The following SIRT3 variants were observed in gnomAD, a reference collection of about 807,000 sequenced individuals.
SIRT3 encodes the protein sirtuin 3, also known as NAD-dependent protein deacetylase sirtuin-3, mitochondrial.
Under a neutral mutation model 33.5 loss-of-function variants are expected in SIRT3, and 26 were observed. The observed-to-expected ratio is 0.78, with a 90% confidence interval of 0.57 to 1.08. SIRT3 has a LOEUF of 1.08. SIRT3 is among the 50% of genes least tolerant of loss of function. SIRT3 has a pLI of 0.00. For missense variants in SIRT3, 585 were observed against 530.1 expected (o/e 1.10, Z -1.02); for synonymous variants, 237 against 222.1 (o/e 1.07, Z -0.60).
intron 1 of SIRT3, among the ~76,000 whole-genome samples, chr11:235,702 G>A (rs913467812): frequency 1.5e-4 from 23 of 152,098 alleles, no homozygotes; most frequent in Non-Finnish European, 2.2e-4. Context: ...AGTATTAACC[G>A]CACAACATTT....
upstream of SIRT3, chr11:236,362 C>G: frequency 8.2e-7 from 1 of 1,225,348 alleles, no homozygotes; most frequent in African/African-American, 1.6e-5. Flanking sequence ...TCCGGACTCG[C>G]CCCGCCCCCG....
chr11:236,374 C>CGCCCCGCCCGCGGT (rs1179530969), upstream of SIRT3: 6 of 1,178,794 alleles, frequency 5.1e-6, no homozygotes, highest in East Asian at 3.4e-5. Flanking sequence ...CCGCCCCCGG[C>CGCCCCGCCCGCGGT]GCCCCGGCCC....
chr11:236,208 C>A lies in SIRT3; in HGVS notation c.121G>T (p.Gly41Cys). The A allele has an allele frequency of 6.4e-7, 1 of 1,560,048 alleles. No homozygotes were observed. The highest frequency in any genetic ancestry group is 2.4e-5 in the East Asian group (1 of 41,388). ...CCCGCACTCACATCGTCCCTGCCGC[C>A]AAGCACCAGCCGACAGCCGCAGGCC... ...FQACGCRLVLGGRDDVSAGLR... is the reference protein window; with the variant it reads ...FQACGCRLVLCGRDDVSAGLR... Residue 41 changes from glycine (G) to cysteine (C), a missense_variant, in exon 1 of 7, where the codon GGC (glycine) becomes TGC (cysteine). Physicochemically the swap from Gly to Cys is radical, Grantham distance 159. Transcript: ENST00000382743.
rs1391717904 is a variant in SIRT3, at chr11:215,271, C to G, written c.*1427G>C. On this transcript the variant is annotated 3_prime_UTR_variant, in exon 7 of 7. Transcript: ENST00000382743. ...ACCTTGTCTCTATTACAAATATGCC[C>G]ATGTGCTAGGTGTGGTGGGACACAC... Among the ~76,000 whole-genome samples the G allele has an allele frequency of 6.6e-6, 1 of 152,104 alleles. No individual in the cohort carries two copies. The highest frequency in any genetic ancestry group is 1.5e-5 in the Non-Finnish European group (1 of 68,020).
intron 6 of SIRT3, 31 bp downstream of exon 6, chr11:218,801 C>T (rs907735632): frequency 6.2e-7 from 1 of 1,613,956 alleles, no homozygotes; most frequent in African/African-American, 1.3e-5. Context: ...GAAGGGCAGC[C>T]CCTTGGATGG....
intron 3 of SIRT3, among the ~76,000 whole-genome samples, chr11:231,534 G>A (rs890255691): frequency 6.6e-6 from 1 of 152,168 alleles, no homozygotes; most frequent in Non-Finnish European, 1.5e-5. Flanking sequence ...GAATTGCTTG[G>A]TAGAAACAGA....
chr11:216,826 AAAC>A (rs1855712953), intron 6 of SIRT3, 108 bp from the exon 7 acceptor site: 1 of 1,206,416 alleles, frequency 8.3e-7, no homozygotes, highest in African/African-American at 1.5e-5. Context: ...ATATTTCACA[AAAC>A]AAGCTGCTTT....
At chr11:235,653 C>T (rs181235865) in intron 1 of SIRT3, among the ~76,000 whole-genome samples, 12 of 152,158 alleles carry the variant, frequency 7.9e-5, no homozygotes, top group African/African-American at 2.9e-4. Flanking sequence ...TTCTTAGATG[C>T]AATTACTATG....
At position 236,295 on chromosome 11, in the gene SIRT3, G is replaced by T; in HGVS notation, c.34C>A (p.Leu12Ile). Residue 12 changes from leucine (L) to isoleucine (I), a missense_variant, in exon 1 of 7, where the codon CTC becomes ATC. By Grantham distance (5) the Leu-to-Ile change is conservative (BLOSUM62 2). Transcript: ENST00000382743. ...TCAACTACCCGGCCCCACAGCCGGA[G>T]GGCTGCCGCGGCGCGCCAACCCCAG... ...AFWGWRAAAA[L>I]RLWGRVVERV... 6.5e-7 allele frequency: 1 copy of T among 1,527,368 alleles called. No homozygotes were observed. The highest frequency in any genetic ancestry group is 2.5e-5 in the East Asian group (1 of 39,600). The allele number at this position is 1,527,368 out of a possible 1,614,324, so 94.6% of individuals were successfully genotyped here. A position where few individuals can be genotyped will look rare whatever the true frequency, so the allele number is the denominator to read the frequency against.
chr11:221,703 T>C (rs532324655), intron 5 of SIRT3, among the ~76,000 whole-genome samples: 6 of 152,362 alleles, frequency 3.9e-5, no homozygotes, highest in Non-Finnish European at 8.8e-5. Flanking sequence ...CAGTTCATGA[T>C]GGCACCAGCC....
At chr11:233,589 A>T (rs1158985070) in intron 1 of SIRT3, 55 bp from the exon 2 acceptor site, 43 of 1,563,004 alleles carry the variant, frequency 2.8e-5, no homozygotes, top group Non-Finnish European at 3.8e-5. Context: ...ATCTCAGGAT[A>T]GCAAGAACGA....
Position 217,701 on chromosome 11 carries a change from G to A in SIRT3, c.1180-983C>T, listed in dbSNP as rs1855850109. ...GAGAGTGCTGACCCCATGGCCCTGA[G>A]CCATGAGGCAGCCACAGCTGTGGAC... On this transcript the variant is annotated intron_variant, in intron 6 of 6. Transcript: ENST00000382743. Among the ~76,000 whole-genome samples, 3 of 152,260 alleles carry A rather than the reference G, an allele frequency of 2.0e-5. No homozygotes were observed. In the South Asian group the frequency reaches 6.2e-4, roughly 32 times the overall value.
chr11:229,440 G>A (rs938133121), intron 4 of SIRT3, among the ~76,000 whole-genome samples: 12 of 151,808 alleles, frequency 7.9e-5, no homozygotes, highest in Admixed American at 4.6e-4. Context: ...GCTAGACTCC[G>A]TCTCAAAACA....
chr11:231,871 CCTGGCTCCCGGAGAG>C (rs1564813078), intron 3 of SIRT3, among the ~76,000 whole-genome samples: 1 of 8,074 alleles, frequency 1.2e-4, no homozygotes, highest in East Asian at 5.5e-3. Context: ...TCTCCGGGAG[CCTGGCTCCCGGAGAG>C]CTGACTGTCC....
rs766584758 is a variant in SIRT3, at chr11:233,175, C to T, written c.514G>A (p.Asp172Asn). The change falls in exon 3 of 7, where the codon GAT (aspartate) becomes AAT (asparagine). Residue 172 changes from aspartate (D) to asparagine (N), a missense_variant. Asp to Asn is a conservative substitution (Grantham distance 23). Coordinates refer to ENST00000382743, the MANE Select transcript of SIRT3 (RefSeq NM_012239.6). ...SGLYSNLQQYDLPYPEAIFEL... is the reference protein window; with the variant it reads ...SGLYSNLQQYNLPYPEAIFEL... ...AAAATGGCCTCGGGGTACGGGAGATCGTACTGCTGGAGGTTGCTGTACAGG... is the reference window on the plus strand; with the variant it reads ...AAAATGGCCTCGGGGTACGGGAGATTGTACTGCTGGAGGTTGCTGTACAGG... The T allele has an allele frequency of 6.8e-6, 11 of 1,613,922 alleles. No homozygotes were observed. The highest frequency in any genetic ancestry group is 5.3e-5 in the African/African-American group (4 of 74,888).
chr11:228,462 A>G (rs1857461464), intron 4 of SIRT3, among the ~76,000 whole-genome samples: 1 of 152,264 alleles, frequency 6.6e-6, no homozygotes, highest in South Asian at 2.1e-4. Context: ...TTGAGACTCT[A>G]GAAATAACCC....
chr11:231,792 T>C (rs949059294), intron 3 of SIRT3, among the ~76,000 whole-genome samples: 5 of 152,240 alleles, frequency 3.3e-5, no homozygotes, highest in Admixed American at 3.3e-4. Context: ...CAGGGGATCC[T>C]TCTGGCAAGG....
chr11:233,176 G>A lies in SIRT3; in HGVS notation c.513C>T (p.Tyr171=), dbSNP rs538372641. 4.3e-5 allele frequency: 70 copies of A among 1,614,108 alleles called. No individual in the cohort carries two copies. The highest frequency in any genetic ancestry group is 3.3e-4 in the Middle Eastern group (2 of 6,062). ...AAATGGCCTCGGGGTACGGGAGATC[G>A]TACTGCTGGAGGTTGCTGTACAGGC... ...GSGLYSNLQQ[Y]DLPYPEAIFE... The change falls in exon 3 of 7, where the codon TAC becomes TAT. Residue 171 remains tyrosine, a synonymous_variant. Coordinates refer to ENST00000382743, the MANE Select transcript of SIRT3 (RefSeq NM_012239.6).
Position 234,029 on chromosome 11 carries a change from T to C in SIRT3, c.282-495A>G, listed in dbSNP as rs1335282506. 2.0e-5 allele frequency: 3 copies of C among 153,226 alleles called. 1 individual carries two copies. Among genetic ancestry groups the C allele is most frequent in the Admixed American group, 2.0e-4 (3 of 15,376 alleles). The allele number at this position is 153,226 out of a possible 1,614,324, so 9.5% of individuals were successfully genotyped here. ...ACTGTTAAGAGAAGCACAAAAGGAATGAAAGTTATTATTGCTGTTGAGTGC... is the reference window on the plus strand; with the variant it reads ...ACTGTTAAGAGAAGCACAAAAGGAACGAAAGTTATTATTGCTGTTGAGTGC... On this transcript the variant is annotated intron_variant, in intron 1 of 6. Transcript: ENST00000382743.
Sources: gnomAD v4.1 joint callset for allele counts (sites outside exome capture counted in the v4.1 genomes callset) on GRCh38, gnomAD v4.1.1 for gene constraint, MANE v1.5 for transcripts, NCBI Gene and HGNC (gene_info 2026-07-23, HGNC 2026-07-21) for gene names.